Variants in NLGN1 observed in about 807,000 individuals in gnomAD.
The protein encoded by NLGN1 is neuroligin-1.
Under a neutral mutation model 65.5 loss-of-function variants are expected in NLGN1, and 12 were observed. The ratio of observed to expected loss-of-function variants is 0.18; its 90% confidence interval spans 0.12 to 0.30. The LOEUF (loss-of-function observed/expected upper bound fraction) is 0.30. Ranked by LOEUF, NLGN1 falls within the 10% of genes least tolerant of loss-of-function variation. NLGN1 has a pLI of 1.00. For synonymous variants in NLGN1, 350 were observed against 359.5 expected (o/e 0.97, Z 0.30); for missense variants, 750 against 1,007.1 (o/e 0.74, Z 3.46).
intron 2 of NLGN1, among the ~76,000 whole-genome samples, chr3:173,482,843 A>G (rs1220949339): frequency 6.6e-6 from 1 of 152,060 alleles, no homozygotes; most frequent in Non-Finnish European, 1.5e-5. Flanking sequence ...TTAATTATTA[A>G]CAACTATTAT....
At chr3:173,821,021 C>G (rs1578614761) in intron 4 of NLGN1, among the ~76,000 whole-genome samples, 2 of 152,206 alleles carry the variant, frequency 1.3e-5, no homozygotes, top group Admixed American at 6.5e-5. Flanking sequence ...TAAACCAATC[C>G]CTGATTACCC....
chr3:173,653,693 A>C (rs1334217570), intron 3 of NLGN1, among the ~76,000 whole-genome samples: 1 of 152,124 alleles, frequency 6.6e-6, no homozygotes, highest in African/African-American at 2.4e-5. Context: ...ATGGAATCTG[A>C]TTTCCCCTCC....
chr3:173,539,817 T>A (rs1312580637), intron 2 of NLGN1, among the ~76,000 whole-genome samples: 2 of 135,118 alleles, frequency 1.5e-5, no homozygotes, highest in Non-Finnish European at 3.0e-5. Context: ...CATATATACA[T>A]ATGTTATATA....
intron 2 of NLGN1, among the ~76,000 whole-genome samples, chr3:173,568,476 C>A (rs1021169602): frequency 2.0e-5 from 3 of 152,146 alleles, no homozygotes; most frequent in Non-Finnish European, 4.4e-5. Flanking sequence ...TCAAAGTGAA[C>A]CACCCGCCTC....
intron 4 of NLGN1, among the ~76,000 whole-genome samples, chr3:174,220,854 A>G (rs1213290563): frequency 6.6e-6 from 1 of 152,182 alleles, no homozygotes; most frequent in Non-Finnish European, 1.5e-5. Flanking sequence ...TTAGAAAGCA[A>G]CACGTCTGCA....
chr3:173,941,707 A>G (rs1232738982), intron 4 of NLGN1, among the ~76,000 whole-genome samples: 1 of 151,930 alleles, frequency 6.6e-6, no homozygotes, highest in Non-Finnish European at 1.5e-5. Context: ...GTATATATAT[A>G]TAAATACTAT....
At chr3:173,517,195 C>T (rs1347424332) in intron 2 of NLGN1, among the ~76,000 whole-genome samples, 1 of 152,018 alleles carries the variant, frequency 6.6e-6, no homozygotes, top group Non-Finnish European at 1.5e-5. Flanking sequence ...CTTGTGTTCA[C>T]TATCTATCTC....
intron 4 of NLGN1, among the ~76,000 whole-genome samples, chr3:173,888,459 C>T (rs1294435065): frequency 1.3e-5 from 2 of 151,652 alleles, no homozygotes; most frequent in African/African-American, 2.4e-5. Context: ...ATTTTTTATT[C>T]TTCTTTGTTC....
intron 3 of NLGN1, among the ~76,000 whole-genome samples, chr3:173,744,004 A>T (rs1775011927): frequency 6.6e-6 from 1 of 152,182 alleles, no homozygotes. Context: ...AACTCATTAT[A>T]AATTCAAAAT....
intron 1 of NLGN1, among the ~76,000 whole-genome samples, chr3:173,400,149 C>T (rs1223249502): frequency 2.0e-5 from 3 of 152,082 alleles, no homozygotes; most frequent in African/African-American, 4.8e-5. Flanking sequence ...AGTTTGCAGT[C>T]GGTTTCCATC....
intron 3 of NLGN1, among the ~76,000 whole-genome samples, chr3:173,646,304 G>A (rs1207835029): frequency 1.3e-5 from 2 of 152,294 alleles, no homozygotes; most frequent in African/African-American, 4.8e-5. Flanking sequence ...ATCACCAGTA[G>A]AAAGTAGGAC....
At chr3:173,721,762 C>T (rs1770865494) in intron 3 of NLGN1, among the ~76,000 whole-genome samples, 1 of 152,048 alleles carries the variant, frequency 6.6e-6, no homozygotes. Flanking sequence ...ATAATTTTTA[C>T]CATCTTTGCC....
At chr3:173,718,697 C>CA (rs1770294248) in intron 3 of NLGN1, among the ~76,000 whole-genome samples, 1 of 152,096 alleles carries the variant, frequency 6.6e-6, no homozygotes, top group African/African-American at 2.4e-5. Flanking sequence ...TGAGTTAGGC[C>CA]AATAGATGCA....
chr3:173,401,854 C>G (rs1717763311), intron 1 of NLGN1, among the ~76,000 whole-genome samples: 1 of 152,122 alleles, frequency 6.6e-6, no homozygotes, highest in Non-Finnish European at 1.5e-5. Flanking sequence ...TTTCCACATG[C>G]TAAATGTTAA....
intron 3 of NLGN1, among the ~76,000 whole-genome samples, chr3:173,640,819 A>G (rs896713376): frequency 2.0e-5 from 3 of 152,110 alleles, no homozygotes; most frequent in Non-Finnish European, 4.4e-5. Context: ...TATTTGTTTC[A>G]TTATCTTGTC....
At position 174,129,643 on chromosome 3, in the gene NLGN1, C is replaced by A. The variant is rs574104925; in HGVS notation, c.647-145672C>A. ...TTTAGCTATGCTGCTGAGGGGGATA[C>A]CCCAGCCAGTGAAACAGTATAGCTT... On this transcript the variant is annotated intron_variant, in intron 4 of 6. Coordinates refer to ENST00000457714, the Ensembl canonical transcript of NLGN1. Among the ~76,000 whole-genome samples, 54 of 152,224 alleles carry A rather than the reference C, an allele frequency of 3.5e-4. No individual in the cohort carries two copies. In the South Asian group the frequency reaches 0.011, roughly 31 times the overall value.
chr3:173,898,116 T>C (rs185119643), intron 4 of NLGN1, among the ~76,000 whole-genome samples: 1 of 152,350 alleles, frequency 6.6e-6, no homozygotes, highest in East Asian at 1.9e-4. Flanking sequence ...CTTAGGCATC[T>C]CCCTATTACT....
chr3:173,966,783 A>C (rs1261861649), intron 4 of NLGN1, among the ~76,000 whole-genome samples: 1 of 152,124 alleles, frequency 6.6e-6, no homozygotes, highest in South Asian at 2.1e-4. Flanking sequence ...AGTTCATTGC[A>C]CTCTTGGTAA....
At chr3:173,775,639 T>C (rs532648383) in intron 3 of NLGN1, among the ~76,000 whole-genome samples, 9 of 152,304 alleles carry the variant, frequency 5.9e-5, no homozygotes, top group Middle Eastern at 3.4e-3. Flanking sequence ...GCGATTATCA[T>C]TTATTAGTTG....
Sources: gnomAD v4.1 joint callset for allele counts (sites outside exome capture counted in the v4.1 genomes callset) on GRCh38, gnomAD v4.1.1 for gene constraint, MANE v1.5 for transcripts, NCBI Gene and HGNC (gene_info 2026-07-23, HGNC 2026-07-21) for gene names.